The following AOAH variants were observed in gnomAD, a reference collection of about 807,000 sequenced individuals.
AOAH encodes the protein acyloxyacyl hydrolase (neutrophil).
In AOAH, 64 loss-of-function variants were observed where a neutral mutation model predicts 92.2. The ratio of observed to expected loss-of-function variants is 0.69; its 90% CI spans 0.57 to 0.86. The LOEUF is 0.86. Among genes scored for constraint, AOAH ranks in the 40% least tolerant of loss-of-function variants. The probability of loss-of-function intolerance (pLI) is 0.00; values close to 1 mark genes in which losing one functional copy is unlikely to be tolerated. For synonymous variants in AOAH, 263 were observed against 254.5 expected (o/e 1.03, Z -0.32); for missense variants, 656 against 694.6 (o/e 0.94, Z 0.62).
chr7:36,578,165 A>C (rs1788666438), intron 12 of AOAH, among the ~76,000 whole-genome samples: 1 of 152,222 alleles, frequency 6.6e-6, no homozygotes, highest in Non-Finnish European at 1.5e-5. Flanking sequence ...ACCCATGCAC[A>C]TAGTTTAAAA....
At chr7:36,569,521 C>T (rs1405177055) in intron 13 of AOAH, among the ~76,000 whole-genome samples, 2 of 149,922 alleles carry the variant, frequency 1.3e-5, no homozygotes, top group African/African-American at 5.1e-5. Flanking sequence ...ATCTGTCTAT[C>T]TTTCTACCAG....
At chr7:36,696,870 AC>A (rs201129611) in intron 1 of AOAH, among the ~76,000 whole-genome samples, 2,563 of 151,914 alleles carry the variant, frequency 0.017, 84 homozygotes, top group African/African-American at 0.059. Flanking sequence ...GTCTCCAGAA[AC>A]AAAAAAATCA....
At chr7:36,554,658 A>C (rs1451974996) in intron 13 of AOAH, among the ~76,000 whole-genome samples, 112 of 151,466 alleles carry the variant, frequency 7.4e-4, no homozygotes, top group Middle Eastern at 3.4e-3. Context: ...CTTTTATTTC[A>C]TTGAGCAGTG....
At chr7:36,697,810 C>G in intron 1 of AOAH, among the ~76,000 whole-genome samples, 1 of 152,254 alleles carries the variant, frequency 6.6e-6, no homozygotes, top group East Asian at 1.9e-4. Context: ...GACCAGTGTT[C>G]TTCTAAGAAG....
chr7:36,686,144 C>G (rs560069537), intron 2 of AOAH, among the ~76,000 whole-genome samples: 4 of 152,274 alleles, frequency 2.6e-5, no homozygotes, highest in African/African-American at 9.6e-5. Flanking sequence ...AAATATGCAA[C>G]TTGCTTGAAC....
At chr7:36,650,890 G>C (rs1414127653) in intron 4 of AOAH, among the ~76,000 whole-genome samples, 1 of 152,224 alleles carries the variant, frequency 6.6e-6, no homozygotes, top group African/African-American at 2.4e-5. Flanking sequence ...TGGTGTGAGA[G>C]AGCAGGAAAG....
At chr7:36,685,088 C>T (rs768649874) in intron 2 of AOAH, among the ~76,000 whole-genome samples, 5 of 151,840 alleles carry the variant, frequency 3.3e-5, no homozygotes, top group Non-Finnish European at 7.4e-5. Context: ...GATCAAGCTG[C>T]CAATTTTCAG....
At chr7:36,591,363 T>A (rs1789731033) in intron 12 of AOAH, among the ~76,000 whole-genome samples, 1 of 152,218 alleles carries the variant, frequency 6.6e-6, no homozygotes, top group Non-Finnish European at 1.5e-5. Flanking sequence ...GACTATGCGT[T>A]TTTTGTAAGC....
chr7:36,560,583 G>A (rs971015902), intron 13 of AOAH, among the ~76,000 whole-genome samples: 1 of 152,068 alleles, frequency 6.6e-6, no homozygotes, highest in Non-Finnish European at 1.5e-5. Flanking sequence ...CATTGATTTT[G>A]TACCCTGAAA....
chr7:36,719,466 T>C (rs562465786), intron 1 of AOAH, among the ~76,000 whole-genome samples: 9 of 152,324 alleles, frequency 5.9e-5, no homozygotes, highest in African/African-American at 2.2e-4. Context: ...ACCCAACTAG[T>C]TCAGTTGATC....
At chr7:36,555,911 T>C (rs1786669413) in intron 13 of AOAH, among the ~76,000 whole-genome samples, 2 of 152,322 alleles carry the variant, frequency 1.3e-5, no homozygotes, top group African/African-American at 4.8e-5. Flanking sequence ...GTCTATCAAT[T>C]TTGTTGATCC....
At chr7:36,566,552 C>G (rs1345343726) in intron 13 of AOAH, among the ~76,000 whole-genome samples, 1 of 151,768 alleles carries the variant, frequency 6.6e-6, no homozygotes, top group Non-Finnish European at 1.5e-5. Context: ...GCCTCCTGCC[C>G]CCAGGAATGT....
At chr7:36,544,920 T>A (rs1208920056) in intron 15 of AOAH, among the ~76,000 whole-genome samples, 1 of 152,220 alleles carries the variant, frequency 6.6e-6, no homozygotes, top group Non-Finnish European at 1.5e-5. Flanking sequence ...AGTGATCAAG[T>A]GCTCACACCT....
rs528974231 is a variant in AOAH, at chr7:36,516,156, C to T, written c.1600-2776G>A. ...AGATACACCACACACATCTCACACA[C>T]ACACACCACACACCCCATACCACAC... On this transcript the variant is annotated intron_variant, in intron 20 of 20. Transcript: ENST00000617537. The surrounding 1 kb of genome is among the most constrained non-coding windows in gnomAD (Gnocchi z 5.0). Among the ~76,000 whole-genome samples the T allele has an allele frequency of 6.6e-6, 1 of 150,866 alleles. No individual in the cohort carries two copies. The highest frequency in any genetic ancestry group is 6.6e-5 in the Admixed American group (1 of 15,162).
At chr7:36,620,703 C>G in intron 9 of AOAH, 78 bp downstream of exon 9, 1 of 1,446,866 alleles carries the variant, frequency 6.9e-7, no homozygotes, top group South Asian at 1.2e-5. Flanking sequence ...CTGGATCTAA[C>G]TAAAGCAAAT....
intron 11 of AOAH, among the ~76,000 whole-genome samples, chr7:36,611,492 A>G (rs959653948): frequency 3.9e-5 from 6 of 152,242 alleles, no homozygotes; most frequent in Admixed American, 1.3e-4. Flanking sequence ...ATTACAATCT[A>G]AATTTTACTT....
At chr7:36,710,906 A>G (rs1485958555) in intron 1 of AOAH, among the ~76,000 whole-genome samples, 1 of 143,058 alleles carries the variant, frequency 7.0e-6, no homozygotes, top group Admixed American at 7.1e-5. Flanking sequence ...GCACAGTTCT[A>G]AGTGACAGGC....
At position 36,623,101 on chromosome 7, in the gene AOAH, G is replaced by A. The variant is rs988175665; in HGVS notation, c.582+89C>T. The stretch of plus-strand genomic sequence containing the variant: ...CATCAAATTAATAATGCATTCAAAT[G>A]AAATTCAGTCTTGTCTTATTAAAGG... On this transcript the variant is annotated intron_variant, in intron 7 of 20. Coordinates refer to ENST00000617537, the MANE Select transcript of AOAH (RefSeq NM_001637.4). 153 of 1,112,012 alleles carry A rather than the reference G, an allele frequency of 1.4e-4. No homozygotes were observed. The Middle Eastern group carries it at 1.6e-3, about 12-fold the overall frequency. The allele number at this position is 1,112,012 out of a possible 1,614,324, so 68.9% of individuals were successfully genotyped here. A position where few individuals can be genotyped will look rare whatever the true frequency, so the allele number is the denominator to read the frequency against.
chr7:36,580,044 A>C (rs1475484948), intron 12 of AOAH, among the ~76,000 whole-genome samples: 1 of 152,152 alleles, frequency 6.6e-6, no homozygotes, highest in Non-Finnish European at 1.5e-5. Flanking sequence ...ACCTCATTCC[A>C]AGTGTTCTGA....
Sources: gnomAD v4.1 joint callset for allele counts (sites outside exome capture counted in the v4.1 genomes callset) on GRCh38, gnomAD v4.1.1 for gene constraint, Gnocchi (gnomAD v3.1) non-coding constraint, MANE v1.5 for transcripts, NCBI Gene and HGNC (gene_info 2026-07-23, HGNC 2026-07-21) for gene names.